The following PCDH15 variants were observed in gnomAD, a reference collection of about 807,000 sequenced individuals.
The protein encoded by PCDH15 is protocadherin related 15, also known as protocadherin-15.
A neutral mutation model predicts 178.5 loss-of-function variants in PCDH15; 129 were observed. The observed-to-expected ratio is 0.72, with a 90% CI of 0.63 to 0.84. PCDH15 has a LOEUF of 0.84. PCDH15 is among the 40% of genes least tolerant of loss of function. The pLI, the probability that PCDH15 is intolerant of heterozygous loss-of-function variation, is 0.00. For synonymous variants in PCDH15, 800 were observed against 732.0 expected (o/e 1.09, Z -1.50); for missense variants, 2,230 against 2,099.9 (o/e 1.06, Z -1.21).
At chr10:55,170,245 G>C (rs1273859327) in intron 1 of PCDH15, among the ~76,000 whole-genome samples, 1 of 151,982 alleles carries the variant, frequency 6.6e-6, no homozygotes, top group Non-Finnish European at 1.5e-5. Context: ...GACCTCCTGG[G>C]CTCAAGCAAT....
chr10:54,673,987 C>G (rs2094730750), intron 1 of PCDH15, among the ~76,000 whole-genome samples: 1 of 152,110 alleles, frequency 6.6e-6, no homozygotes, highest in African/African-American at 2.4e-5. Flanking sequence ...TCCATTGCCC[C>G]TCTTCTTATC....
At chr10:53,993,016 A>C (rs1231071873) in intron 21 of PCDH15, among the ~76,000 whole-genome samples, 3 of 152,250 alleles carry the variant, frequency 2.0e-5, no homozygotes, top group South Asian at 2.1e-4. Flanking sequence ...ATAGTTTAAC[A>C]TGAGTGGTTC....
At chr10:53,928,428 A>C (rs1219782308) in intron 25 of PCDH15, among the ~76,000 whole-genome samples, 1 of 152,084 alleles carries the variant, frequency 6.6e-6, no homozygotes, top group Admixed American at 6.5e-5. Context: ...CTTTAAGTGC[A>C]GACCTGACCT....
intron 2 of PCDH15, among the ~76,000 whole-genome samples, chr10:55,571,916 C>G (rs998508786): frequency 8.6e-5 from 13 of 151,954 alleles, no homozygotes. Flanking sequence ...TGTAAGGAAC[C>G]AAGAATGACA....
intron 2 of PCDH15, among the ~76,000 whole-genome samples, chr10:54,942,891 G>A (rs1436016877): frequency 2.6e-5 from 4 of 151,984 alleles, no homozygotes; most frequent in Non-Finnish European, 5.9e-5. Context: ...CACAGATTAA[G>A]CTAAAGAGTG....
At chr10:54,419,769 G>A (rs981406243) in intron 3 of PCDH15, among the ~76,000 whole-genome samples, 1 of 152,056 alleles carries the variant, frequency 6.6e-6, no homozygotes, top group African/African-American at 2.4e-5. Context: ...GGAATAATCA[G>A]TAAAATGGCA....
chr10:55,044,431 C>T (rs560212089), intron 2 of PCDH15, among the ~76,000 whole-genome samples: 1 of 152,104 alleles, frequency 6.6e-6, no homozygotes, highest in Non-Finnish European at 1.5e-5. Context: ...TGTGACTCCA[C>T]TTATTTTCAG....
In PCDH15 at chr10:53,883,885, T is replaced by C. The variant is rs1381072510; in HGVS notation, c.3502-17028A>G. 5.3e-5 allele frequency among the ~76,000 whole-genome samples: 8 copies of C among 152,082 alleles called. No homozygotes were observed. In the East Asian group the frequency reaches 1.6e-3, roughly 29 times the overall value. On this transcript the variant is annotated intron_variant, in intron 26 of 37. Transcript: ENST00000644397. ...TGTGTGTCACTGCACCCGGCTAATT[T>C]TTGTATTTTTAGTAGAGACGGGCTT...
chr10:54,516,400 C>G (rs912027669), intron 3 of PCDH15, among the ~76,000 whole-genome samples: 10 of 151,928 alleles, frequency 6.6e-5, no homozygotes, highest in Non-Finnish European at 1.0e-4. Context: ...GGCTCGAGAA[C>G]TACGTGAAGA....
chr10:55,624,777 G>A (rs1837487389), intron 2 of PCDH15, among the ~76,000 whole-genome samples: 1 of 151,990 alleles, frequency 6.6e-6, no homozygotes, highest in African/African-American at 2.4e-5. Context: ...ATTTCATGTA[G>A]ATGTTATTTT....
intron 2 of PCDH15, among the ~76,000 whole-genome samples, chr10:55,443,991 G>A (rs1018641860): frequency 6.6e-6 from 1 of 152,118 alleles, no homozygotes; most frequent in Non-Finnish European, 1.5e-5. Context: ...GAAGGGAAAT[G>A]CATGAAGCTG....
chr10:54,445,762 C>T (rs112406233), intron 3 of PCDH15, among the ~76,000 whole-genome samples: 45 of 151,568 alleles, frequency 3.0e-4, no homozygotes, highest in African/African-American at 1.1e-3. Flanking sequence ...AAAACCTATG[C>T]ACCTGGTGTC....
At chr10:55,356,256 TGA>T (rs944471788) in intron 2 of PCDH15, among the ~76,000 whole-genome samples, 5 of 148,426 alleles carry the variant, frequency 3.4e-5, no homozygotes, top group African/African-American at 1.2e-4. Context: ...AAGAAAAGAA[TGA>T]GAGAGGGAAA....
intron 2 of PCDH15, among the ~76,000 whole-genome samples, chr10:54,964,266 G>A (rs1031138933): frequency 8.5e-5 from 13 of 152,096 alleles, no homozygotes; most frequent in Non-Finnish European, 4.4e-5. Context: ...TTAGTTCGGT[G>A]GGGCAATTGG....
chr10:54,666,778 T>C (rs2094579038), intron 1 of PCDH15, among the ~76,000 whole-genome samples: 1 of 151,916 alleles, frequency 6.6e-6, no homozygotes, highest in Non-Finnish European at 1.5e-5. Context: ...CAAAAGGACA[T>C]AGTTGTGTTC....
At chr10:54,916,626 A>T (rs142982373) in intron 2 of PCDH15, among the ~76,000 whole-genome samples, 3 of 152,274 alleles carry the variant, frequency 2.0e-5, no homozygotes, top group Admixed American at 1.3e-4. Context: ...TTTCAGAAGA[A>T]CTTTCTTATA....
intron 3 of PCDH15, chr10:54,452,391 T>C (rs2076534611): frequency 6.6e-6 from 1 of 152,052 alleles, no homozygotes; most frequent in Admixed American, 6.6e-5. Context: ...TCTTCTGTGG[T>C]AGTTGATAGA....
intron 3 of PCDH15, among the ~76,000 whole-genome samples, chr10:54,815,525 G>A (rs1011097970): frequency 2.6e-5 from 4 of 152,058 alleles, no homozygotes; most frequent in Non-Finnish European, 5.9e-5. Flanking sequence ...AATGTGAGGT[G>A]GATCATCTCT....
chr10:55,606,619 C>A (rs1240107312), intron 2 of PCDH15, among the ~76,000 whole-genome samples: 3 of 148,166 alleles, frequency 2.0e-5, no homozygotes, highest in Non-Finnish European at 4.5e-5. Context: ...TGATCTTTGA[C>A]AAACCTGAGA....
Sources: allele counts gnomAD v4.1 joint callset (sites outside exome capture counted in the v4.1 genomes callset), GRCh38; gene constraint gnomAD v4.1.1; transcripts MANE v1.5; gene names NCBI Gene and HGNC (gene_info 2026-07-23, HGNC 2026-07-21).